Variants in NUDT3 observed in about 807,000 individuals in gnomAD.
The protein encoded by NUDT3 is nudix hydrolase 3, also known as diphosphoinositol polyphosphate phosphohydrolase 1.
NUDT3 carries 9 observed loss-of-function variants against 23.6 expected under a neutral mutation model. The observed-to-expected ratio is 0.38, with a 90% CI of 0.23 to 0.66. The LOEUF is 0.66. Among genes scored for constraint, NUDT3 ranks in the 30% least tolerant of loss-of-function variants. NUDT3 has a pLI of 0.52. For missense variants in NUDT3, 172 were observed against 218.5 expected (o/e 0.79, Z 1.34); for synonymous variants, 86 against 82.6 (o/e 1.04, Z -0.22).
intron 1 of NUDT3, among the ~76,000 whole-genome samples, chr6:34,351,657 C>G (rs1764479178): frequency 7.0e-6 from 1 of 143,052 alleles, no homozygotes; most frequent in African/African-American, 2.7e-5. Flanking sequence ...AGGAGAATTG[C>G]TTGGACCCAG....
intron 2 of NUDT3, among the ~76,000 whole-genome samples, chr6:34,301,884 T>A (rs1763603124): frequency 6.6e-6 from 1 of 152,194 alleles, no homozygotes. Context: ...TCAATATGAG[T>A]GTGAAATTGC....
Position 34,346,211 on chromosome 6 carries a change from TA to T in NUDT3, c.100-4240del, listed in dbSNP as rs1030317034. On this transcript the variant is annotated intron_variant, in intron 1 of 4. Transcript: ENST00000607016. ...TGTAAGTTAATTCGAATTACAAGGT[TA>T]AAAAAAAAGGCCTCCAAAGACTGTA... 4.6e-5 allele frequency among the ~76,000 whole-genome samples: 7 copies of T among 150,708 alleles called. No homozygotes were observed. The South Asian group carries it at 8.4e-4, about 18-fold the overall frequency.
chr6:34,341,687 T>C (rs1398007977), intron 2 of NUDT3, among the ~76,000 whole-genome samples, 175 bp downstream of exon 2: 2 of 152,244 alleles, frequency 1.3e-5, no homozygotes, highest in Non-Finnish European at 2.9e-5. Flanking sequence ...CCGGTTAACA[T>C]TACCATGTCA....
At chr6:34,391,020 G>A (rs1765190507) in intron 1 of NUDT3, among the ~76,000 whole-genome samples, 2 of 152,048 alleles carry the variant, frequency 1.3e-5, no homozygotes, top group African/African-American at 2.4e-5. Flanking sequence ...ATCTCCTTTC[G>A]TTCTGTTTTG....
Position 34,328,344 on chromosome 6 carries a change from T to C in NUDT3, c.210+13518A>G, listed in dbSNP as rs558081505. 8.5e-5 allele frequency among the ~76,000 whole-genome samples: 13 copies of C among 152,300 alleles called. No individual in the cohort carries two copies. The South Asian group carries it at 1.2e-3, about 15-fold the overall frequency. On this transcript the variant is annotated intron_variant, in intron 2 of 4. Transcript: ENST00000607016. ...TGACGTTTTGATGTATGTATACACA[T>C]TGGGACTTAACTACCACTAGTGTAT...
intron 2 of NUDT3, among the ~76,000 whole-genome samples, chr6:34,328,435 T>G (rs1315906166): frequency 6.6e-6 from 1 of 152,248 alleles, no homozygotes; most frequent in Admixed American, 6.5e-5. Context: ...ACCATTTTTT[T>G]CTGATTATAA....
rs567170158 is a variant in NUDT3, at chr6:34,307,072, A to G, written c.211-11387T>C. 2.4e-4 allele frequency among the ~76,000 whole-genome samples: 36 copies of G among 152,240 alleles called. No homozygotes were observed. In the South Asian group the frequency reaches 6.8e-3, roughly 29 times the overall value. On this transcript the variant is annotated intron_variant, in intron 2 of 4. Transcript: ENST00000607016. ...TGTGCAGTATCTTAGAGAAGCAAAAACATTTATATCATTATTTTCAAGTCA... is the reference window on the plus strand; with the variant it reads ...TGTGCAGTATCTTAGAGAAGCAAAAGCATTTATATCATTATTTTCAAGTCA...
At chr6:34,373,342 T>C (rs201083979) in intron 1 of NUDT3, among the ~76,000 whole-genome samples, 1 of 122,154 alleles carries the variant, frequency 8.2e-6, no homozygotes, top group Non-Finnish European at 1.6e-5. Context: ...TATGTGAATT[T>C]AATGTTATAA....
intron 2 of NUDT3, among the ~76,000 whole-genome samples, chr6:34,333,752 G>C (rs937159881): frequency 6.6e-6 from 1 of 152,240 alleles, no homozygotes; most frequent in Non-Finnish European, 1.5e-5. Flanking sequence ...GCACAGCTAA[G>C]AGAATTAAAA....
chr6:34,330,912 T>C (rs559214452), intron 2 of NUDT3, among the ~76,000 whole-genome samples: 1 of 152,336 alleles, frequency 6.6e-6, no homozygotes, highest in Admixed American at 6.5e-5. Context: ...TGGAGTGCAA[T>C]GGCACGATCT....
At chr6:34,332,607 C>A (rs1764145017) in intron 2 of NUDT3, among the ~76,000 whole-genome samples, 1 of 152,164 alleles carries the variant, frequency 6.6e-6, no homozygotes, top group South Asian at 2.1e-4. Context: ...GTTTACATTG[C>A]ATGAGGTAGC....
intron 2 of NUDT3, among the ~76,000 whole-genome samples, chr6:34,337,535 T>C (rs1581874288): frequency 6.6e-6 from 1 of 152,216 alleles, no homozygotes; most frequent in East Asian, 1.9e-4. Flanking sequence ...AAGGATAGTA[T>C]GCAATTTCCA....
rs183578936 is a variant in NUDT3 at position 34,332,031 on chromosome 6, C to T, written c.210+9831G>A. ...CTGGGACTACAGGTATGTGTCAACA[C>T]GCCCAACTAATTTTTTTTAAAATTT... On this transcript the variant is annotated intron_variant, in intron 2 of 4. Coordinates refer to ENST00000607016, the MANE Select transcript of NUDT3 (RefSeq NM_006703.4). Among the ~76,000 whole-genome samples the T allele has an allele frequency of 3.5e-3, 539 of 152,192 alleles. 5 individuals are homozygous for T. The highest frequency in any genetic ancestry group is 7.5e-3 in the Admixed American group (115 of 15,278).
intron 2 of NUDT3, among the ~76,000 whole-genome samples, chr6:34,324,292 T>C (rs1205404482): frequency 4.0e-5 from 6 of 151,568 alleles, no homozygotes; most frequent in African/African-American, 1.5e-4. Context: ...GAGGCAGAGG[T>C]TGCAGTGAGC....
rs1320098044 is a variant in NUDT3, at chr6:34,295,669, G to A, written c.227C>T (p.Thr76Ile). The change falls in exon 3 of 5, where the codon ACA becomes ATA. Residue 76 changes from threonine to isoleucine, a missense_variant. Physicochemically the swap from Thr to Ile is moderately conservative, Grantham distance 89. This residue lies in a region of NUDT3 where 59 missense variants were observed against 107.4 expected (regional missense o/e 0.55). Transcript: ENST00000607016. ...AAAAATTCCAACTAATCTTCCCAATGTCCCTTTTACTCCAGCCTAGAAAGT... is the reference window on the plus strand; with the variant it reads ...AAAAATTCCAACTAATCTTCCCAATATCCCTTTTACTCCAGCCTAGAAAGT... ...EVCEEAGVKGTLGRLVGIFEN... is the reference protein window; with the variant it reads ...EVCEEAGVKGILGRLVGIFEN... The A allele has an allele frequency of 6.2e-7, 1 of 1,613,642 alleles. No individual in the cohort carries two copies. Among genetic ancestry groups the A allele is most frequent in the Non-Finnish European group, 8.5e-7 (1 of 1,179,908 alleles).
intron 2 of NUDT3, among the ~76,000 whole-genome samples, chr6:34,327,234 C>A (rs979878245): frequency 2.6e-5 from 4 of 151,904 alleles, no homozygotes; most frequent in Admixed American, 2.6e-4. Flanking sequence ...ACGCACTTAT[C>A]AGAAAGATCA....
chr6:34,326,688 C>A (rs1220492502), intron 2 of NUDT3, among the ~76,000 whole-genome samples: 1 of 151,888 alleles, frequency 6.6e-6, no homozygotes, highest in Non-Finnish European at 1.5e-5. Flanking sequence ...GCAACCTCTG[C>A]CTCCTAGGTT....
chr6:34,363,014 T>C (rs567779338), intron 1 of NUDT3, among the ~76,000 whole-genome samples: 9 of 152,304 alleles, frequency 5.9e-5, no homozygotes, highest in South Asian at 2.1e-4. Flanking sequence ...AAAGAGCTTT[T>C]GGTAGCTTCA....
At position 34,290,159 on chromosome 6, in the gene NUDT3, TA is replaced by T. The variant is rs527690435; in HGVS notation, c.341-1229del. Among the ~76,000 whole-genome samples the T allele has an allele frequency of 7.9e-5, 12 of 152,338 alleles. 1 individual carries two copies. In the South Asian group the frequency reaches 2.5e-3, roughly 32 times the overall value. On this transcript the variant is annotated intron_variant, in intron 4 of 4. Transcript: ENST00000607016. ...AAGCACCTGAAGAGTAACTGGCTGC[TA>T]AAAGAATGTGCTGCTGAATTTGCTT...
Sources: gnomAD v4.1 joint callset for allele counts (sites outside exome capture counted in the v4.1 genomes callset) on GRCh38, gnomAD v4.1.1 for gene constraint, gnomAD v4.1.1 regional missense constraint, MANE v1.5 for transcripts, NCBI Gene and HGNC (gene_info 2026-07-23, HGNC 2026-07-21) for gene names.